CNNM1: variants seen among roughly 807,000 people sequenced by gnomAD.
The protein encoded by CNNM1 is cyclin and CBS domain divalent metal cation transport mediator 1, also known as metal transporter CNNM1.
CNNM1 carries 44 observed loss-of-function variants against 78.8 expected under a neutral mutation model. That is an observed-to-expected ratio of 0.56 (90% CI 0.44 to 0.72). The LOEUF (loss-of-function observed/expected upper bound fraction) is 0.72. CNNM1 is among the 30% of genes least tolerant of loss of function. The pLI, the probability that CNNM1 is intolerant of heterozygous loss-of-function variation, is 0.00. For synonymous variants in CNNM1, 584 were observed against 581.5 expected (o/e 1.00, Z -0.06); for missense variants, 1,101 against 1,292.2 (o/e 0.85, Z 2.27).
chr10:99,385,046 C>G (rs1024551328), intron 7 of CNNM1, among the ~76,000 whole-genome samples: 2 of 148,476 alleles, frequency 1.3e-5, no homozygotes, highest in Non-Finnish European at 3.0e-5. Flanking sequence ...GAGCGAGACT[C>G]CATCTCAAAA....
intron 5 of CNNM1, among the ~76,000 whole-genome samples, chr10:99,364,748 G>A (rs745964120): frequency 2.0e-5 from 3 of 152,088 alleles, no homozygotes; most frequent in Non-Finnish European, 4.4e-5. Context: ...CAGTAATATT[G>A]TCAAGTGTTA....
chr10:99,362,363 C>T lies in CNNM1; in HGVS notation c.1995C>T (p.Asn665=), dbSNP rs2031466774. ...CGGAACACTACCTCTACCAGCGCAA[C>T]CGCCCTGTGGACTACTTTGTGCTGC... is the stretch of plus-strand genomic sequence containing the variant. The part of the protein sequence containing the change: ...KAPEHYLYQR[N]RPVDYFVLLL... Residue 665 remains asparagine (N), a synonymous_variant, in exon 4 of 11, where the codon AAC becomes AAT. Transcript: ENST00000356713. 4 of 1,613,916 alleles carry T rather than the reference C, an allele frequency of 2.5e-6. No individual in the cohort carries two copies. The highest frequency in any genetic ancestry group is 3.4e-6 in the Non-Finnish European group (4 of 1,179,830).
At chr10:99,362,456 A>C in intron 4 of CNNM1, 60 bp downstream of exon 4, 1 of 1,535,766 alleles carries the variant, frequency 6.5e-7, no homozygotes, top group South Asian at 1.2e-5. Context: ...AGGGTGAAGA[A>C]ATGGCCATGC....
intron 6 of CNNM1, among the ~76,000 whole-genome samples, chr10:99,370,392 G>A (rs1021812320): frequency 2.0e-5 from 3 of 152,192 alleles, no homozygotes; most frequent in African/African-American, 7.2e-5. Context: ...GAAAACCAGA[G>A]GTAGGGAATG....
chr10:99,356,135 T>G (rs2031134330), intron 1 of CNNM1, among the ~76,000 whole-genome samples: 1 of 152,148 alleles, frequency 6.6e-6, no homozygotes, highest in South Asian at 2.1e-4. Context: ...TCACAGTGTC[T>G]GGGGCCACAG....
At chr10:99,350,058 C>T (rs1183126021) in intron 1 of CNNM1, among the ~76,000 whole-genome samples, 4 of 152,092 alleles carry the variant, frequency 2.6e-5, no homozygotes, top group Admixed American at 6.5e-5. Flanking sequence ...CCAGCAAGAT[C>T]CTGATTCCGT....
chr10:99,377,079 G>C lies in CNNM1; in HGVS notation c.2201G>C (p.Ser734Thr). Residue 734 changes from serine to threonine, a missense_variant, in exon 7 of 11, where the codon AGT (serine) becomes ACT (threonine). Ser to Thr is a moderately conservative substitution (Grantham distance 58, BLOSUM62 1). Coordinates refer to ENST00000356713, the MANE Select transcript of CNNM1 (RefSeq NM_020348.3). ...VFLNRSPSRC[S>T]GLNRSESPNR... is the part of the protein sequence containing the mutation. ...GTAAACCGGTCCCCTTCTCGCTGCA[G>C]TGGGTTGAATCGCTCTGAGTCTCCA... 6.3e-7 allele frequency: 1 copy of C among 1,575,488 alleles called. No individual in the cohort carries two copies.
intron 1 of CNNM1, among the ~76,000 whole-genome samples, chr10:99,346,142 A>T (rs1468720608): frequency 6.6e-6 from 1 of 152,206 alleles, no homozygotes; most frequent in East Asian, 1.9e-4. Context: ...TGATCCTCCT[A>T]CATGTGATTG....
At position 99,339,978 on chromosome 10, in the gene CNNM1, A is replaced by T. The variant is rs2030366645; in HGVS notation, c.1573+9018A>T. Among the ~76,000 whole-genome samples, 3 of 152,218 alleles carry T rather than the reference A, an allele frequency of 2.0e-5. No individual in the cohort carries two copies. In the South Asian group the frequency reaches 6.2e-4, roughly 32 times the overall value. ...AGTTACATTTCACTGTTATAAATAG[A>T]TGTATTACGTTTTTAAAATGTGTTA... is the stretch of plus-strand genomic sequence containing the variant. On this transcript the variant is annotated intron_variant, in intron 1 of 10. Coordinates refer to ENST00000356713, the MANE Select transcript of CNNM1 (RefSeq NM_020348.3).
chr10:99,360,589 G>A (rs2031395087), intron 2 of CNNM1, among the ~76,000 whole-genome samples: 1 of 152,072 alleles, frequency 6.6e-6, no homozygotes, highest in Non-Finnish European at 1.5e-5. Flanking sequence ...CCCCAGACTT[G>A]GGTACCCCAA....
At chr10:99,362,086 C>T (rs757817201) in intron 3 of CNNM1, 141 bp from the exon 4 acceptor site, 8 of 707,290 alleles carry the variant, frequency 1.1e-5, no homozygotes, top group Non-Finnish European at 1.8e-5. Flanking sequence ...GGAGGAACTG[C>T]AGAAGCCCTG....
chr10:99,336,155 T>C lies in CNNM1; in HGVS notation c.1573+5195T>C, dbSNP rs115062326. On this transcript the variant is annotated intron_variant, in intron 1 of 10. Coordinates refer to ENST00000356713, the MANE Select transcript of CNNM1 (RefSeq NM_020348.3). ...TGATGGACTGCATGTATGATGGTGA[T>C]CCCATAAGATTACATTGGAGCTGGA... is the stretch of plus-strand genomic sequence containing the variant. Among the ~76,000 whole-genome samples, 768 of 152,330 alleles carry C rather than the reference T, an allele frequency of 5.0e-3. 1 individual carries two copies. The highest frequency in any genetic ancestry group is 8.2e-3 in the Non-Finnish European group (559 of 68,030).
intron 1 of CNNM1, among the ~76,000 whole-genome samples, chr10:99,333,202 C>T (rs1410221625): frequency 1.3e-5 from 2 of 152,204 alleles, no homozygotes; most frequent in Admixed American, 6.5e-5. Flanking sequence ...AGAGCCCACC[C>T]TAATGGCCTC....
At chr10:99,391,386 T>C in intron 10 of CNNM1, 51 bp from the exon 11 acceptor site, 1 of 1,392,684 alleles carries the variant, frequency 7.2e-7, no homozygotes. Context: ...CAAGCAATTA[T>C]GAATGTTCCT....
intron 9 of CNNM1, 75 bp downstream of exon 9, chr10:99,388,376 C>A: frequency 1.3e-6 from 2 of 1,525,374 alleles, no homozygotes; most frequent in Non-Finnish European, 1.8e-6. Flanking sequence ...CCAGGGAAAG[C>A]TGGCTGAGGG....
intron 1 of CNNM1, among the ~76,000 whole-genome samples, chr10:99,339,015 A>G (rs1742493278): frequency 6.6e-6 from 1 of 152,240 alleles, no homozygotes; most frequent in South Asian, 2.1e-4. Flanking sequence ...TTCTGTATAG[A>G]CAACAGGGGA....
chr10:99,343,588 T>TG (rs1389039594), intron 1 of CNNM1, among the ~76,000 whole-genome samples: 1 of 152,190 alleles, frequency 6.6e-6, no homozygotes, highest in Non-Finnish European at 1.5e-5. Context: ...CCTCAGACCA[T>TG]GGAGCCAAGG....
chr10:99,378,449 C>T (rs1198576025), intron 7 of CNNM1, among the ~76,000 whole-genome samples: 1 of 152,158 alleles, frequency 6.6e-6, no homozygotes, highest in African/African-American at 2.4e-5. Flanking sequence ...TTCCAGAACG[C>T]ACGCCTTCAT....
At chr10:99,371,387 C>G (rs2031797061) in intron 6 of CNNM1, among the ~76,000 whole-genome samples, 1 of 152,198 alleles carries the variant, frequency 6.6e-6, no homozygotes, top group Non-Finnish European at 1.5e-5. Context: ...AATTAGCATT[C>G]CCTTTCCCCA....
Sources: allele counts gnomAD v4.1 joint callset (sites outside exome capture counted in the v4.1 genomes callset), GRCh38; gene constraint gnomAD v4.1.1; transcripts MANE v1.5; gene names NCBI Gene and HGNC (gene_info 2026-07-23, HGNC 2026-07-21).